Variants in GREM1 observed in about 807,000 individuals in gnomAD.
GREM1 encodes gremlin-1.
In GREM1, 6 loss-of-function variants were observed where a neutral mutation model predicts 13.1. The observed-to-expected ratio is 0.46, with a 90% CI of 0.25 to 0.91. The LOEUF (loss-of-function observed/expected upper bound fraction) is 0.91. Ranked by LOEUF, GREM1 falls within the 40% of genes least tolerant of loss-of-function variation. The pLI is 0.18. For synonymous variants in GREM1, 98 were observed against 93.7 expected (o/e 1.05, Z -0.27); for missense variants, 185 against 233.9 (o/e 0.79, Z 1.36).
rs772542664 is a variant in GREM1 at position 32,735,635 on chromosome 15, G to T, written c.*4390G>T. 2 of 152,096 alleles carry T rather than the reference G, an allele frequency of 1.3e-5. No homozygotes were observed. The highest frequency in any genetic ancestry group is 2.9e-5 in the Non-Finnish European group (2 of 68,008). 9.4% of individuals were successfully genotyped at this position (152,096 alleles called of 1,614,324 possible). A position where few individuals can be genotyped will look rare whatever the true frequency, so the allele number is the denominator to read the frequency against. ...CTTGGCCACCTCTCTTTTTGTCATGGCCTTCTTGGACTTGGAGGGGGAGAA... is the reference window on the plus strand; with the variant it reads ...CTTGGCCACCTCTCTTTTTGTCATGTCCTTCTTGGACTTGGAGGGGGAGAA... On this transcript the variant is annotated 3_prime_UTR_variant, in exon 2 of 2. Coordinates refer to ENST00000651154, the MANE Select transcript of GREM1 (RefSeq NM_013372.7).
chr15:32,729,614 A>AT (rs1454318526), intron 1 of GREM1, among the ~76,000 whole-genome samples: 2 of 150,988 alleles, frequency 1.3e-5, no homozygotes, highest in Non-Finnish European at 3.0e-5. Context: ...CCTCCTTGTT[A>AT]TTTTTTGCCA....
intron 1 of GREM1, chr15:32,718,411 A>T (rs1219773926): frequency 2.3e-5 from 11 of 481,130 alleles, no homozygotes; most frequent in Non-Finnish European, 4.1e-5. Flanking sequence ...GGGCAGGATG[A>T]CCCCCACATC....
Position 32,731,003 on chromosome 15 carries a change from G to A in GREM1, c.313G>A (p.Glu105Lys). 1 of 1,614,172 alleles carries A rather than the reference G, an allele frequency of 6.2e-7. No individual in the cohort carries two copies. Among genetic ancestry groups the A allele is most frequent in the Non-Finnish European group, 8.5e-7 (1 of 1,180,024 alleles). ...CCAGCCGCTTAAGCAGACCATCCAC[G>A]AGGAAGGCTGCAACAGTCGCACCAT... Reference protein sequence around the residue: ...KTQPLKQTIHEEGCNSRTIIN... With the variant: ...KTQPLKQTIHKEGCNSRTIIN... The change falls in exon 2 of 2, where the codon GAG (glutamate) becomes AAG (lysine). Residue 105 changes from glutamate (E) to lysine (K), a missense_variant. Coordinates refer to ENST00000651154, the MANE Select transcript of GREM1 (RefSeq NM_013372.7).
chr15:32,722,383 A>C (rs1175032664), intron 1 of GREM1, among the ~76,000 whole-genome samples: 1 of 152,256 alleles, frequency 6.6e-6, no homozygotes, highest in Admixed American at 6.5e-5. Context: ...GTCCATGCAC[A>C]GACATTTGGC....
rs2140767787 is a variant in GREM1, at chr15:32,739,392, C to T, written c.*8147C>T. 6.6e-6 allele frequency: 1 copy of T among 152,300 alleles called. No individual in the cohort carries two copies. Among genetic ancestry groups the T allele is most frequent in the Non-Finnish European group, 1.5e-5 (1 of 68,022 alleles). The allele number at this position is 152,300 out of a possible 1,614,324, so 9.4% of individuals were successfully genotyped here. On this transcript the variant is annotated 3_prime_UTR_variant, in exon 2 of 2. Coordinates refer to ENST00000651154, the MANE Select transcript of GREM1 (RefSeq NM_013372.7). ...GAAGTGTGCATTCCTAAACTCAACA[C>T]CTTAGTCTGGTTGCAAACAGTTTAA... is the stretch of plus-strand genomic sequence containing the variant.
intron 1 of GREM1, among the ~76,000 whole-genome samples, chr15:32,722,675 A>ACTTT (rs752112056): frequency 2.0e-5 from 3 of 152,052 alleles, no homozygotes; most frequent in Non-Finnish European, 2.9e-5. Context: ...GTAGATGTTT[A>ACTTT]CTCTTGATCC....
rs144226383 is a variant in GREM1, at chr15:32,744,774, T to A, written c.*13529T>A. On this transcript the variant is annotated 3_prime_UTR_variant, in exon 2 of 2. Transcript: ENST00000651154. ...GTTCTGTAGAGGCAGGACCTTAGCA[T>A]ATAGCAGAGATAACTTATCTTCCAG... 1 of 152,040 alleles carries A rather than the reference T, an allele frequency of 6.6e-6. No homozygotes were observed. Among genetic ancestry groups the A allele is most frequent in the African/African-American group, 2.4e-5 (1 of 41,486 alleles). The allele number at this position is 152,040 out of a possible 1,614,324, so 9.4% of individuals were successfully genotyped here. A position where few individuals can be genotyped will look rare whatever the true frequency, so the allele number is the denominator to read the frequency against.
Position 32,742,544 on chromosome 15 carries a change from C to T in GREM1, c.*11299C>T, listed in dbSNP as rs1311914380. 1 of 152,006 alleles carries T rather than the reference C, an allele frequency of 6.6e-6. No homozygotes were observed. The highest frequency in any genetic ancestry group is 6.6e-5 in the Admixed American group (1 of 15,244). 9.4% of individuals were successfully genotyped at this position (152,006 alleles called of 1,614,324 possible). Reference sequence around the variant, plus strand: ...AATAATTCTAAAATTCATCTGAAGCCACAAAAGACAATGAATAAACAAATC... The same window carrying T: ...AATAATTCTAAAATTCATCTGAAGCTACAAAAGACAATGAATAAACAAATC... On this transcript the variant is annotated 3_prime_UTR_variant, in exon 2 of 2. Coordinates refer to ENST00000651154, the MANE Select transcript of GREM1 (RefSeq NM_013372.7).
rs368472880 is a variant in GREM1, at chr15:32,730,933, G to A, written c.243G>A (p.Leu81=). ...TGCTGGAGTCCAGCCAAGAGGCCCT[G>A]CATGTGACGGAGCGCAAATACCTGA... ...EEVLESSQEA[L]HVTERKYLKR... is the part of the protein sequence containing the mutation. Residue 81 remains leucine (L), a synonymous_variant, in exon 2 of 2, where the codon CTG becomes CTA. Transcript: ENST00000651154. 6.2e-7 allele frequency: 1 copy of A among 1,613,964 alleles called. No individual in the cohort carries two copies. The highest frequency in any genetic ancestry group is 8.5e-7 in the Non-Finnish European group (1 of 1,180,038).
chr15:32,742,115 G>A lies in GREM1; in HGVS notation c.*10870G>A, dbSNP rs577220340. ...ATTTTTGCATCTATATATTCATCAA[G>A]GATATTGGGCTGTAATTTTCTTTTC... On this transcript the variant is annotated 3_prime_UTR_variant, in exon 2 of 2. Transcript: ENST00000651154. 2.1e-4 allele frequency: 32 copies of A among 152,202 alleles called. No individual in the cohort carries two copies. The highest frequency in any genetic ancestry group is 7.5e-4 in the African/African-American group (31 of 41,556). 9.4% of individuals were successfully genotyped at this position (152,202 alleles called of 1,614,324 possible). A position where few individuals can be genotyped will look rare whatever the true frequency, so the allele number is the denominator to read the frequency against.
chr15:32,739,249 C>T lies in GREM1; in HGVS notation c.*8004C>T, dbSNP rs759123642. ...TAGGGGAAGAAATTTTTCCATGCTT[C>T]ACAGAAACTCTCCTTATACCCCACC... On this transcript the variant is annotated 3_prime_UTR_variant, in exon 2 of 2. Transcript: ENST00000651154. 3.3e-5 allele frequency: 5 copies of T among 152,174 alleles called. No homozygotes were observed. The highest frequency in any genetic ancestry group is 7.3e-5 in the Non-Finnish European group (5 of 68,028). The allele number at this position is 152,174 out of a possible 1,614,324, so 9.4% of individuals were successfully genotyped here. A position where few individuals can be genotyped will look rare whatever the true frequency, so the allele number is the denominator to read the frequency against.
rs1198834274 is a variant in GREM1, at chr15:32,731,670, C to A, written c.*425C>A. 5 of 268,862 alleles carry A rather than the reference C, an allele frequency of 1.9e-5. No individual in the cohort carries two copies. In the Admixed American group the frequency reaches 2.5e-4, roughly 13 times the overall value. The allele number at this position is 268,862 out of a possible 1,614,324, so 16.7% of individuals were successfully genotyped here. A position where few individuals can be genotyped will look rare whatever the true frequency, so the allele number is the denominator to read the frequency against. On this transcript the variant is annotated 3_prime_UTR_variant, in exon 2 of 2. Coordinates refer to ENST00000651154, the MANE Select transcript of GREM1 (RefSeq NM_013372.7). ...AAGAGACCTGTTTTAGTGCTGCATT[C>A]GACATGGAAAAGTCCTTTTAACCTG...
In GREM1 at chr15:32,736,955, C is replaced by A. The variant is rs778294479; in HGVS notation, c.*5710C>A. 1 of 152,198 alleles carries A rather than the reference C, an allele frequency of 6.6e-6. No homozygotes were observed. Among genetic ancestry groups the A allele is most frequent in the Non-Finnish European group, 1.5e-5 (1 of 68,028 alleles). The allele number at this position is 152,198 out of a possible 1,614,324, so 9.4% of individuals were successfully genotyped here. Reference sequence around the variant, plus strand: ...GTGAGTAATAAATGTTTCATACTCTCTTGGGGTGTGTGTAACATCATCAGT... The same window carrying A: ...GTGAGTAATAAATGTTTCATACTCTATTGGGGTGTGTGTAACATCATCAGT... On this transcript the variant is annotated 3_prime_UTR_variant, in exon 2 of 2. Coordinates refer to ENST00000651154, the MANE Select transcript of GREM1 (RefSeq NM_013372.7).
At position 32,729,806 on chromosome 15, in the gene GREM1, A is replaced by G. The variant is rs768125476; in HGVS notation, c.-1-884A>G. ...GTATATACACAGACACATGTGAATG[A>G]CATATTTCACTATTTAAAAGGTAGA... is the stretch of plus-strand genomic sequence containing the variant. On this transcript the variant is annotated intron_variant, in intron 1 of 1. Transcript: ENST00000651154. Among the ~76,000 whole-genome samples the G allele has an allele frequency of 8.0e-4, 121 of 152,124 alleles. 1 individual carries two copies. The highest frequency in any genetic ancestry group is 3.4e-3 in the Middle Eastern group (1 of 294).
chr15:32,727,819 A>G (rs946459005), intron 1 of GREM1, among the ~76,000 whole-genome samples: 54 of 152,342 alleles, frequency 3.5e-4, no homozygotes, highest in African/African-American at 1.2e-3. Flanking sequence ...CAATGTGCAA[A>G]AATCACAAGC....
chr15:32,718,741 A>G (rs2055347596), intron 1 of GREM1: 1 of 327,142 alleles, frequency 3.1e-6, no homozygotes, highest in Admixed American at 3.9e-5. Context: ...CGCTGTGTTC[A>G]GCCACAGCGG....
In GREM1 at chr15:32,731,198, G is replaced by A; in HGVS notation, c.508G>A (p.Val170Ile). 2 of 1,614,124 alleles carry A rather than the reference G, an allele frequency of 1.2e-6. No homozygotes were observed. The highest frequency in any genetic ancestry group is 1.7e-6 in the Non-Finnish European group (2 of 1,180,016). The change falls in exon 2 of 2, where the codon GTC becomes ATC. Residue 170 changes from valine to isoleucine, a missense_variant. By Grantham distance (29) the Val-to-Ile change is conservative (BLOSUM62 3). Transcript: ENST00000651154. ...ACAGCCACCTACCAAGAAGAAGAGA[G>A]TCACACGTGTGAAGCAGTGTCGTTG... ...ELQPPTKKKR[V>I]TRVKQCRCIS...
At position 32,744,572 on chromosome 15, in the gene GREM1, C is replaced by CAAAAAA. The variant is rs371256550; in HGVS notation, c.*13340_*13345dup. ...TGGGCGACAGAGTGAGACTCAGCTT[C>CAAAAAA]AAAAAAAAAAAAAAAAAAGAAAGTT... On this transcript the variant is annotated 3_prime_UTR_variant, in exon 2 of 2. Coordinates refer to ENST00000651154, the MANE Select transcript of GREM1 (RefSeq NM_013372.7). The CAAAAAA allele has an allele frequency of 1.2e-5, 1 of 86,188 alleles. No individual in the cohort carries two copies. The highest frequency in any genetic ancestry group is 4.5e-5 in the African/African-American group (1 of 22,008). 5.3% of individuals were successfully genotyped at this position (86,188 alleles called of 1,614,324 possible).
At chr15:32,730,029 C>G (rs1266610725) in intron 1 of GREM1, among the ~76,000 whole-genome samples, 1 of 152,160 alleles carries the variant, frequency 6.6e-6, no homozygotes, top group Non-Finnish European at 1.5e-5. Flanking sequence ...GAACAGCGTA[C>G]CTGGGGAGAC....
Sources: allele counts gnomAD v4.1 joint callset (sites outside exome capture counted in the v4.1 genomes callset), GRCh38; gene constraint gnomAD v4.1.1; transcripts MANE v1.5; gene names NCBI Gene and HGNC (gene_info 2026-07-23, HGNC 2026-07-21).